The following SV2B variants were observed in gnomAD, a reference collection of about 807,000 sequenced individuals.
SV2B encodes the protein solute carrier family 22 member B2.
SV2B carries 41 observed loss-of-function variants against 73.9 expected under a neutral mutation model. The observed-to-expected ratio is 0.56, with a 90% CI of 0.43 to 0.72. SV2B has a LOEUF of 0.72. SV2B is among the 30% of genes least tolerant of loss of function. The pLI is 0.00. For missense variants in SV2B, 764 were observed against 857.8 expected (o/e 0.89, Z 1.37); for synonymous variants, 314 against 314.2 (o/e 1.00, Z 0.01).
intron 1 of SV2B, among the ~76,000 whole-genome samples, chr15:91,192,307 A>G (rs1476742475): frequency 6.6e-6 from 1 of 152,164 alleles, no homozygotes; most frequent in Non-Finnish European, 1.5e-5. Flanking sequence ...TCACTCTCGC[A>G]TTTGATTATA....
chr15:91,147,957 C>A (rs925527216), intron 1 of SV2B, among the ~76,000 whole-genome samples: 2 of 147,902 alleles, frequency 1.4e-5, no homozygotes, highest in East Asian at 2.0e-4. Context: ...ACCCCGCACC[C>A]CCCCCAACTT....
chr15:91,170,251 C>T (rs183674225), intron 1 of SV2B, among the ~76,000 whole-genome samples: 28 of 152,156 alleles, frequency 1.8e-4, no homozygotes, highest in African/African-American at 6.3e-4. Context: ...AGATTACCTC[C>T]GCAGTCTTAT....
rs182715278 is a variant in SV2B, at chr15:91,258,963, G to T, written c.918+409G>T. Among the ~76,000 whole-genome samples, 97 of 151,638 alleles carry T rather than the reference G, an allele frequency of 6.4e-4. 2 individuals carry two copies. Among genetic ancestry groups the T allele is most frequent in the African/African-American group, 2.3e-3 (95 of 41,338 alleles). On this transcript the variant is annotated intron_variant, in intron 5 of 12. Coordinates refer to ENST00000394232, the MANE Select transcript of SV2B (RefSeq NM_001323032.3). This position sits in a 1 kb window ranked among gnomAD's most constrained non-coding sequence, Gnocchi z 4.7. ...AAAAATTAGTTGAGCGATTTGGTGC[G>T]TGCATGCCTGTGGTCCCATCTACTT...
intron 12 of SV2B, among the ~76,000 whole-genome samples, chr15:91,291,706 C>T (rs375984873): frequency 4.1e-4 from 63 of 152,232 alleles, no homozygotes; most frequent in African/African-American, 1.3e-3. Context: ...CATTGTTTTT[C>T]CTTGCATGGA....
chr15:91,110,797 C>A lies in SV2B; in HGVS notation c.-392+10434C>A, dbSNP rs1401809710. ...TATGACAAGTGACGAACACATCCCA[C>A]ACATGCCAGTGTAAGGGTCTGTGAA... On this transcript the variant is annotated intron_variant, in intron 1 of 12. Transcript: ENST00000394232. The surrounding 1 kb of genome is among the most constrained non-coding windows in gnomAD (Gnocchi z 5.4). Among the ~76,000 whole-genome samples the A allele has an allele frequency of 6.6e-6, 1 of 152,212 alleles. No homozygotes were observed. Among genetic ancestry groups the A allele is most frequent in the Non-Finnish European group, 1.5e-5 (1 of 68,038 alleles).
At chr15:91,178,175 T>C (rs972643656) in intron 1 of SV2B, among the ~76,000 whole-genome samples, 23 of 151,776 alleles carry the variant, frequency 1.5e-4, no homozygotes, top group Non-Finnish European at 2.4e-4. Flanking sequence ...TTTGGTTCTG[T>C]TTATATGCTG....
intron 9 of SV2B, among the ~76,000 whole-genome samples, chr15:91,276,836 T>TTATTATTAA (rs1202243786): frequency 6.6e-6 from 1 of 150,388 alleles, no homozygotes; most frequent in African/African-American, 2.4e-5. Context: ...ATTATTATTA[T>TTATTATTAA]TTGAGACAGA....
Position 91,236,649 on chromosome 15 carries a change from T to C in SV2B, c.451+9935T>C, listed in dbSNP as rs1174116515. On this transcript the variant is annotated intron_variant, in intron 2 of 12. Coordinates refer to ENST00000394232, the MANE Select transcript of SV2B (RefSeq NM_001323032.3). The surrounding 1 kb of genome is among the most constrained non-coding windows in gnomAD (Gnocchi z 4.1). ...AGGACTTTATTCTGGTTATCTATTA[T>C]TACATATCAAACAAGCAAGCAAACA... Among the ~76,000 whole-genome samples the C allele has an allele frequency of 3.3e-5, 5 of 152,184 alleles. No homozygotes were observed. Among genetic ancestry groups the C allele is most frequent in the African/African-American group, 1.2e-4 (5 of 41,440 alleles).
chr15:91,292,151 G>C (rs536917368), intron 12 of SV2B, among the ~76,000 whole-genome samples: 3 of 151,916 alleles, frequency 2.0e-5, no homozygotes, highest in Admixed American at 6.6e-5. Flanking sequence ...AATGTTAATA[G>C]AGGTGATTGT....
chr15:91,266,473 C>T, intron 6 of SV2B, 109 bp from the exon 7 acceptor site: 1 of 788,368 alleles, frequency 1.3e-6, no homozygotes, highest in Non-Finnish European at 2.0e-6. Flanking sequence ...TGAGAAATCG[C>T]AGACTCCTCT....
intron 1 of SV2B, among the ~76,000 whole-genome samples, chr15:91,218,465 C>T (rs1023580606): frequency 1.6e-4 from 24 of 152,100 alleles, no homozygotes; most frequent in African/African-American, 5.8e-4. Context: ...TCTCAAATGC[C>T]AAGGTGCCAA....
intron 1 of SV2B, among the ~76,000 whole-genome samples, chr15:91,113,069 C>A (rs552845501): frequency 6.6e-6 from 1 of 152,132 alleles, no homozygotes; most frequent in Admixed American, 6.5e-5. Flanking sequence ...TGGCCTGAAG[C>A]GGTGCTCTCA....
Position 91,197,791 on chromosome 15 carries a change from T to C in SV2B, c.-391-28082T>C, listed in dbSNP as rs1035364401. ...GCCCACGCCTGTAATCCCAGCACTTTGGGAGGCCGAGATGGGTGGATCACC... is the reference window on the plus strand; with the variant it reads ...GCCCACGCCTGTAATCCCAGCACTTCGGGAGGCCGAGATGGGTGGATCACC... On this transcript the variant is annotated intron_variant, in intron 1 of 12. Transcript: ENST00000394232. The surrounding 1 kb of genome is among the most constrained non-coding windows in gnomAD (Gnocchi z 4.9). Among the ~76,000 whole-genome samples, 1 of 152,060 alleles carries C rather than the reference T, an allele frequency of 6.6e-6. No individual in the cohort carries two copies. Among genetic ancestry groups the C allele is most frequent in the African/African-American group, 2.4e-5 (1 of 41,418 alleles).
chr15:91,102,714 G>A (rs2041767569), intron 1 of SV2B, among the ~76,000 whole-genome samples: 1 of 152,212 alleles, frequency 6.6e-6, no homozygotes, highest in Non-Finnish European at 1.5e-5. Flanking sequence ...CTGGCTGAGA[G>A]GACTGGGGAG....
chr15:91,289,417 C>T lies in SV2B; in HGVS notation c.1709-104C>T, dbSNP rs958615783. On this transcript the variant is annotated intron_variant, in intron 11 of 12. Coordinates refer to ENST00000394232, the MANE Select transcript of SV2B (RefSeq NM_001323032.3). This position sits in a 1 kb window ranked among gnomAD's most constrained non-coding sequence, Gnocchi z 4.9. ...CTAATACTTCAGGCAGCCTTGGCTT[C>T]AGGTGTACCAGTGAGGGTGGGAGAT... is the stretch of plus-strand genomic sequence containing the variant. 2 of 1,448,278 alleles carry T rather than the reference C, an allele frequency of 1.4e-6. No individual in the cohort carries two copies. The highest frequency in any genetic ancestry group is 2.8e-5 in the African/African-American group (2 of 71,278). 89.7% of individuals were successfully genotyped at this position (1,448,278 alleles called of 1,614,324 possible). A position where few individuals can be genotyped will look rare whatever the true frequency, so the allele number is the denominator to read the frequency against.
At chr15:91,205,382 TTTA>T (rs2045597618) in intron 1 of SV2B, among the ~76,000 whole-genome samples, 1 of 151,860 alleles carries the variant, frequency 6.6e-6, no homozygotes, top group African/African-American at 2.4e-5. Flanking sequence ...TTTTTTTTTT[TTTA>T]AACACAGGGT....
rs2041877608 is a variant in SV2B at position 91,106,179 on chromosome 15, A to G, written c.-392+5816A>G. Reference sequence around the variant, plus strand: ...AATGAATTTTGACCTAAGCAGCTGGATGGAGTAGCACTTTAGTGAGGTGGA... The same window carrying G: ...AATGAATTTTGACCTAAGCAGCTGGGTGGAGTAGCACTTTAGTGAGGTGGA... On this transcript the variant is annotated intron_variant, in intron 1 of 12. Coordinates refer to ENST00000394232, the MANE Select transcript of SV2B (RefSeq NM_001323032.3). This position sits in a 1 kb window ranked among gnomAD's most constrained non-coding sequence, Gnocchi z 4.4. Among the ~76,000 whole-genome samples, 1 of 152,222 alleles carries G rather than the reference A, an allele frequency of 6.6e-6. No homozygotes were observed. The highest frequency in any genetic ancestry group is 1.5e-5 in the Non-Finnish European group (1 of 68,042).
At position 91,284,123 on chromosome 15, in the gene SV2B, T is replaced by TGA; in HGVS notation, c.1611_1612dup (p.Ile538ArgfsTer32). 3.1e-6 allele frequency: 5 copies of TGA among 1,614,206 alleles called. No individual in the cohort carries two copies. The highest frequency in any genetic ancestry group is 4.2e-6 in the Non-Finnish European group (5 of 1,180,036). ...GACTTGGAGCAAGATAATGACTTCC[T>TGA]GATTTACCTCGTCAGCTTCCTGGGC... On this transcript the variant is annotated frameshift_variant, in exon 11 of 13. Transcript: ENST00000394232. LOFTEE classifies it high-confidence loss of function. This position sits in a 1 kb window ranked among gnomAD's most constrained non-coding sequence, Gnocchi z 4.5.
Position 91,267,761 on chromosome 15 carries a change from C to A in SV2B, c.1208+118C>A. On this transcript the variant is annotated intron_variant, in intron 8 of 12. Transcript: ENST00000394232. The surrounding 1 kb of genome is among the most constrained non-coding windows in gnomAD (Gnocchi z 4.3). ...TGTATCAGGTAGGATGCTTTGGTGG[C>A]AAGTAGCAGAAAACCAACTCTAGTG... is the stretch of plus-strand genomic sequence containing the variant. The A allele has an allele frequency of 7.1e-6, 6 of 844,442 alleles. No homozygotes were observed. The highest frequency in any genetic ancestry group is 9.7e-6 in the Non-Finnish European group (5 of 517,170). 52.3% of individuals were successfully genotyped at this position (844,442 alleles called of 1,614,324 possible). A position where few individuals can be genotyped will look rare whatever the true frequency, so the allele number is the denominator to read the frequency against.
Sources: allele counts gnomAD v4.1 joint callset (sites outside exome capture counted in the v4.1 genomes callset), GRCh38; gene constraint gnomAD v4.1.1; non-coding constraint Gnocchi (gnomAD v3.1); transcripts MANE v1.5; gene names NCBI Gene and HGNC (gene_info 2026-07-23, HGNC 2026-07-21).